Variants in MICU1 observed in about 807,000 individuals in gnomAD.
The protein encoded by MICU1 is calcium uptake protein 1, mitochondrial.
MICU1 carries 45 observed loss-of-function variants against 56.8 expected under a neutral mutation model. The ratio of observed to expected loss-of-function variants is 0.79; its 90% CI spans 0.62 to 1.02. The LOEUF (loss-of-function observed/expected upper bound fraction) is 1.02, where lower values mean the gene tolerates loss of function less well. Ranked by LOEUF, MICU1 falls within the 50% of genes least tolerant of loss-of-function variation. The probability of loss-of-function intolerance (pLI) is 0.00; values close to 1 mark genes in which losing one functional copy is unlikely to be tolerated. For synonymous variants in MICU1, 186 were observed against 195.1 expected (o/e 0.95, Z 0.39); for missense variants, 504 against 587.1 (o/e 0.86, Z 1.46).
chr10:72,584,773 C>A (rs1318341538), intron 1 of MICU1, among the ~76,000 whole-genome samples: 1 of 152,102 alleles, frequency 6.6e-6, no homozygotes, highest in Non-Finnish European at 1.5e-5. Context: ...AACTGCTGAG[C>A]TCAAGTGATC....
At chr10:72,546,777 G>A (rs1839903254) in intron 4 of MICU1, among the ~76,000 whole-genome samples, 1 of 151,946 alleles carries the variant, frequency 6.6e-6, no homozygotes. Context: ...CCAGGCTGGA[G>A]TACAGTGGCA....
chr10:72,372,641 C>T (rs1862383215), intron 11 of MICU1, among the ~76,000 whole-genome samples: 1 of 152,048 alleles, frequency 6.6e-6, no homozygotes, highest in South Asian at 2.1e-4. Flanking sequence ...GAGTTCAAGA[C>T]CAGCCTGGCC....
chr10:72,611,140 T>C (rs1180581040), intron 1 of MICU1, among the ~76,000 whole-genome samples: 2 of 148,030 alleles, frequency 1.4e-5, no homozygotes, highest in Admixed American at 6.8e-5. Flanking sequence ...CCGTGTCTAC[T>C]AAATACAAAA....
chr10:72,440,512 C>G (rs552648866), intron 8 of MICU1, among the ~76,000 whole-genome samples: 2 of 152,246 alleles, frequency 1.3e-5, no homozygotes, highest in South Asian at 4.1e-4. Context: ...GACTAAAACA[C>G]CAAAAGCAAT....
intron 1 of MICU1, among the ~76,000 whole-genome samples, chr10:72,601,659 G>A (rs1027471294): frequency 2.6e-5 from 4 of 152,068 alleles, no homozygotes; most frequent in East Asian, 1.9e-4. Context: ...TGTGATACAG[G>A]AGTCCTCATA....
At chr10:72,389,308 G>C (rs763264161) in intron 10 of MICU1, among the ~76,000 whole-genome samples, 1 of 152,150 alleles carries the variant, frequency 6.6e-6, no homozygotes, top group East Asian at 1.9e-4. Flanking sequence ...CCAATTATTA[G>C]ACTCAAAGAA....
rs570669949 is a variant in MICU1 at position 72,423,477 on chromosome 10, G to C, written c.934-106C>G. The C allele has an allele frequency of 5.3e-6, 7 of 1,325,864 alleles. No homozygotes were observed. In the Admixed American group the frequency reaches 1.1e-4, roughly 20 times the overall value. The allele number at this position is 1,325,864 out of a possible 1,614,324, so 82.1% of individuals were successfully genotyped here. ...GATGGCAGAAAATAGCTGATGACTG[G>C]GACTATATTTTTGAGGTACAATTCT... On this transcript the variant is annotated intron_variant, in intron 8 of 11. Transcript: ENST00000361114.
chr10:72,533,658 T>A, intron 5 of MICU1, 88 bp downstream of exon 5: 1 of 988,812 alleles, frequency 1.0e-6, no homozygotes, highest in Non-Finnish European at 1.5e-6. Flanking sequence ...AGGTATTCAG[T>A]GATTTCTCAA....
chr10:72,554,690 T>C (rs1370792322), intron 3 of MICU1, among the ~76,000 whole-genome samples: 1 of 152,232 alleles, frequency 6.6e-6, no homozygotes, highest in Non-Finnish European at 1.5e-5. Flanking sequence ...TATATCTGTA[T>C]AAAACAACAG....
intron 1 of MICU1, among the ~76,000 whole-genome samples, chr10:72,592,779 CTTTCT>C (rs1264151827): frequency 2.7e-5 from 4 of 148,380 alleles, no homozygotes; most frequent in Non-Finnish European, 6.0e-5. Flanking sequence ...ACACACTTTT[CTTTCT>C]TTTTTTTTTT....
intron 11 of MICU1, 85 bp from the exon 12 acceptor site, chr10:72,368,440 G>A: frequency 2.1e-6 from 3 of 1,458,378 alleles, no homozygotes; most frequent in Non-Finnish European, 1.9e-6. Context: ...ACACAAAGTG[G>A]ATTTCAAAGC....
intron 10 of MICU1, among the ~76,000 whole-genome samples, chr10:72,396,661 G>A (rs371762577): frequency 6.6e-6 from 1 of 152,136 alleles, no homozygotes; most frequent in African/African-American, 2.4e-5. Flanking sequence ...TAGCTGATTC[G>A]ATCAAGTGGA....
intron 4 of MICU1, among the ~76,000 whole-genome samples, chr10:72,550,424 T>C (rs1209665111): frequency 6.6e-6 from 1 of 152,198 alleles, no homozygotes; most frequent in Non-Finnish European, 1.5e-5. Context: ...TGAAATCACC[T>C]AAGGACACAT....
intron 1 of MICU1, among the ~76,000 whole-genome samples, chr10:72,608,761 A>G (rs1841760542): frequency 6.6e-6 from 1 of 152,344 alleles, no homozygotes; most frequent in South Asian, 2.1e-4. Context: ...TAACCTAACG[A>G]TGTATAAATA....
At chr10:72,374,495 T>C (rs1349656017) in intron 11 of MICU1, among the ~76,000 whole-genome samples, 1 of 152,130 alleles carries the variant, frequency 6.6e-6, no homozygotes, top group African/African-American at 2.4e-5. Flanking sequence ...GAACACCTAT[T>C]ATGTGAGAAG....
chr10:72,495,655 CAAAAAAAAAAA>C (rs758909513), intron 6 of MICU1, among the ~76,000 whole-genome samples: 3 of 85,428 alleles, frequency 3.5e-5, no homozygotes, highest in South Asian at 4.1e-4. Flanking sequence ...ACCTCTGTCT[CAAAAAAAAAAA>C]AAAAAAAAAA....
intron 9 of MICU1, among the ~76,000 whole-genome samples, chr10:72,415,008 G>A (rs1404771087): frequency 7.0e-6 from 1 of 143,844 alleles, no homozygotes; most frequent in Admixed American, 7.3e-5. Context: ...TCAATCTCCT[G>A]CTTAGTTTTT....
At chr10:72,436,271 G>C (rs908377281) in intron 8 of MICU1, among the ~76,000 whole-genome samples, 1 of 152,196 alleles carries the variant, frequency 6.6e-6, no homozygotes, top group African/African-American at 2.4e-5. Context: ...CAGGCAAACA[G>C]GGTCTGGAGT....
intron 1 of MICU1, among the ~76,000 whole-genome samples, chr10:72,582,427 G>A (rs987764213): frequency 4.6e-5 from 7 of 152,082 alleles, no homozygotes; most frequent in African/African-American, 1.7e-4. Context: ...TAGTAATGAA[G>A]ATAAAACAAC....
Sources: allele counts gnomAD v4.1 joint callset (sites outside exome capture counted in the v4.1 genomes callset), GRCh38; gene constraint gnomAD v4.1.1; transcripts MANE v1.5; gene names NCBI Gene and HGNC (gene_info 2026-07-23, HGNC 2026-07-21).